EXOC6: variants seen among roughly 807,000 people sequenced by gnomAD.
EXOC6 encodes SEC15-like 1.
Under a neutral mutation model 112.5 loss-of-function variants are expected in EXOC6, and 60 were observed. That is an observed-to-expected ratio of 0.53 (90% CI 0.43 to 0.66). The LOEUF (loss-of-function observed/expected upper bound fraction) is 0.66, where lower values mean the gene tolerates loss of function less well. EXOC6 is among the 30% of genes least tolerant of loss of function. The pLI is 0.00. For missense variants in EXOC6, 855 were observed against 957.1 expected (o/e 0.89, Z 1.41); for synonymous variants, 295 against 308.0 (o/e 0.96, Z 0.44).
rs60863083 is a variant in EXOC6 at position 92,827,474 on chromosome 10, CAAAAAAAAAAAA to C, written c.-27+551_-27+562del. On this transcript the variant is annotated intron_variant, in intron 1 of 22. Transcript: ENST00000671701. Reference sequence around the variant, plus strand: ...GGGCGACAGAGTGAGGCCCTGTTGCCAAAAAAAAAAAAAAAAAAAAAAAAAAAAAAAATCCCC... The same window carrying C: ...GGGCGACAGAGTGAGGCCCTGTTGCCAAAAAAAAAAAAAAAAAAAATCCCC... Among the ~76,000 whole-genome samples, 21 of 33,208 alleles carry C rather than the reference CAAAAAAAAAAAA, an allele frequency of 6.3e-4. 1 individual carries two copies. The Admixed American group carries it at 9.1e-3, about 14-fold the overall frequency. 21.8% of individuals were successfully genotyped at this position (33,208 alleles called of 152,430 possible). A position where few individuals can be genotyped will look rare whatever the true frequency, so the allele number is the denominator to read the frequency against.
At chr10:92,965,985 T>A (rs1422248600) in intron 17 of EXOC6, among the ~76,000 whole-genome samples, 2 of 152,096 alleles carry the variant, frequency 1.3e-5, no homozygotes, top group African/African-American at 4.8e-5. Context: ...TTGCTTCCTA[T>A]TATAGCCCGT....
rs1846662949 is a variant in EXOC6, at chr10:93,058,904, A to G, written c.*549A>G. On this transcript the variant is annotated 3_prime_UTR_variant, in exon 22 of 22. Coordinates refer to ENST00000260762, the MANE Select transcript of EXOC6 (RefSeq NM_019053.6). ...GAAATCAAACTTGATTTAACTCAGT[A>G]AGAATGTGAATTATTTGTTCTACTT... The G allele has an allele frequency of 6.6e-6, 1 of 152,254 alleles. No homozygotes were observed. The highest frequency in any genetic ancestry group is 2.1e-4 in the South Asian group (1 of 4,832). The allele number at this position is 152,254 out of a possible 1,614,324, so 9.4% of individuals were successfully genotyped here.
intron 13 of EXOC6, among the ~76,000 whole-genome samples, chr10:92,946,165 C>T (rs953879954): frequency 2.0e-5 from 3 of 151,958 alleles, no homozygotes; most frequent in African/African-American, 4.8e-5. Context: ...GCGTGGTGGC[C>T]GGCGCCTGTA....
intron 19 of EXOC6, among the ~76,000 whole-genome samples, chr10:93,006,844 A>C (rs1176777668): frequency 6.6e-6 from 1 of 152,222 alleles, no homozygotes; most frequent in Non-Finnish European, 1.5e-5. Context: ...ATTTAGTTAC[A>C]GAATTATTCC....
At chr10:92,899,778 T>C in intron 5 of EXOC6, 134 bp downstream of exon 5, 1 of 593,744 alleles carries the variant, frequency 1.7e-6, no homozygotes, top group South Asian at 2.5e-5. Context: ...TACTTAAAAT[T>C]TGCGCATCAG....
At chr10:92,975,607 A>T (rs1478915153) in intron 18 of EXOC6, among the ~76,000 whole-genome samples, 2 of 135,228 alleles carry the variant, frequency 1.5e-5, no homozygotes, top group Non-Finnish European at 3.2e-5. Context: ...CCCGTCCGGG[A>T]GGGAGGTTGG....
chr10:92,984,462 C>G (rs1384580716), intron 18 of EXOC6, among the ~76,000 whole-genome samples: 1 of 152,060 alleles, frequency 6.6e-6, no homozygotes, highest in African/African-American at 2.4e-5. Context: ...TACCCTGGGA[C>G]TTTTGTTCCT....
intron 13 of EXOC6, among the ~76,000 whole-genome samples, chr10:92,946,434 A>G (rs535737984): frequency 1.4e-3 from 206 of 152,184 alleles, no homozygotes; most frequent in Non-Finnish European, 2.6e-3. Context: ...CATTTATGCT[A>G]CTTCCTTTCT....
At chr10:92,919,704 C>T (rs1218870051) in intron 7 of EXOC6, among the ~76,000 whole-genome samples, 1 of 152,056 alleles carries the variant, frequency 6.6e-6, no homozygotes, top group African/African-American at 2.4e-5. Context: ...TGTAATCTAT[C>T]ATACATATTA....
intron 17 of EXOC6, among the ~76,000 whole-genome samples, chr10:92,972,094 C>G (rs951800536): frequency 6.6e-6 from 1 of 152,202 alleles, no homozygotes; most frequent in Non-Finnish European, 1.5e-5. Context: ...AAGCCTGGAA[C>G]CTGTAAGTCC....
intron 1 of EXOC6, among the ~76,000 whole-genome samples, chr10:92,876,147 TTTAA>T (rs1432069706): frequency 1.3e-5 from 2 of 152,202 alleles, no homozygotes; most frequent in Non-Finnish European, 2.9e-5. Flanking sequence ...TCTTAGCTTA[TTTAA>T]TTATTTCCTT....
intron 1 of EXOC6, chr10:92,834,936 C>G (rs1846617680): frequency 1.7e-6 from 1 of 579,290 alleles, no homozygotes; most frequent in Non-Finnish European, 3.0e-6. Context: ...AAAACAGTTA[C>G]AGTTCTGTAT....
intron 1 of EXOC6, among the ~76,000 whole-genome samples, chr10:92,881,581 A>C (rs1848968279): frequency 6.6e-6 from 1 of 152,106 alleles, no homozygotes; most frequent in African/African-American, 2.4e-5. Flanking sequence ...CACAATGCTT[A>C]ATATTGGTAG....
intron 1 of EXOC6, among the ~76,000 whole-genome samples, chr10:92,853,414 A>G (rs1372315573): frequency 6.6e-6 from 1 of 152,212 alleles, no homozygotes; most frequent in East Asian, 1.9e-4. Flanking sequence ...TTCATGTAGA[A>G]ATGTAAAGGA....
At chr10:92,951,149 G>C (rs183200924) in intron 14 of EXOC6, among the ~76,000 whole-genome samples, 115 of 152,252 alleles carry the variant, frequency 7.6e-4, no homozygotes, top group Non-Finnish European at 1.4e-3. Flanking sequence ...TCATCTCAAT[G>C]GTACAGCCAA....
intron 19 of EXOC6, among the ~76,000 whole-genome samples, chr10:93,002,371 T>A (rs1310031272): frequency 6.6e-6 from 1 of 152,188 alleles, no homozygotes; most frequent in Non-Finnish European, 1.5e-5. Flanking sequence ...GTTATTCATA[T>A]CCTTAGATAC....
At chr10:93,019,850 A>G (rs959215710) in intron 20 of EXOC6, among the ~76,000 whole-genome samples, 4 of 152,292 alleles carry the variant, frequency 2.6e-5, no homozygotes, top group East Asian at 3.9e-4. Context: ...TCTGATGGCA[A>G]ATGCTCAGCT....
At chr10:93,008,677 G>A (rs894304119) in intron 19 of EXOC6, among the ~76,000 whole-genome samples, 1 of 152,156 alleles carries the variant, frequency 6.6e-6, no homozygotes, top group Admixed American at 6.5e-5. Flanking sequence ...GACAATATTA[G>A]TAGAAATGAT....
intron 5 of EXOC6, among the ~76,000 whole-genome samples, chr10:92,905,979 T>C (rs1850421550): frequency 6.6e-6 from 1 of 152,132 alleles, no homozygotes; most frequent in Non-Finnish European, 1.5e-5. Context: ...TTATTTTCCT[T>C]TACAGTTCTG....
Sources: allele counts gnomAD v4.1 joint callset (sites outside exome capture counted in the v4.1 genomes callset), GRCh38; gene constraint gnomAD v4.1.1; transcripts MANE v1.5; gene names NCBI Gene and HGNC (gene_info 2026-07-23, HGNC 2026-07-21).